Variants in ME2 observed in about 807,000 individuals in gnomAD.
ME2 encodes malic enzyme 2, also known as NAD-dependent malic enzyme, mitochondrial.
Under a neutral mutation model 73.7 loss-of-function variants are expected in ME2, and 60 were observed. That is an observed-to-expected ratio of 0.81 (90% CI 0.66 to 1.01). The LOEUF (loss-of-function observed/expected upper bound fraction) is 1.01, where lower values mean the gene tolerates loss of function less well. Among genes scored for constraint, ME2 ranks in the 50% least tolerant of loss-of-function variants. The probability of loss-of-function intolerance (pLI) is 0.00; values close to 1 mark genes in which losing one functional copy is unlikely to be tolerated. For synonymous variants in ME2, 199 were observed against 236.9 expected (o/e 0.84, Z 1.47); for missense variants, 594 against 705.5 (o/e 0.84, Z 1.79).
At chr18:50,897,422 C>T (rs1223269833) in intron 2 of ME2, among the ~76,000 whole-genome samples, 5 of 152,178 alleles carry the variant, frequency 3.3e-5, no homozygotes. Context: ...CATTACCATA[C>T]TTCCCTAAAG....
intron 1 of ME2, among the ~76,000 whole-genome samples, chr18:50,885,905 A>G (rs1916450980): frequency 6.6e-6 from 1 of 152,214 alleles, no homozygotes; most frequent in Non-Finnish European, 1.5e-5. Context: ...AAATTTAAAA[A>G]TAGCCTGAAA....
intron 1 of ME2, among the ~76,000 whole-genome samples, chr18:50,880,748 G>GA: frequency 6.6e-6 from 1 of 152,270 alleles, no homozygotes; most frequent in African/African-American, 2.4e-5. Context: ...GCATTAATAG[G>GA]AAATGTTGGG....
chr18:50,892,547 G>T (rs897909894), intron 1 of ME2, among the ~76,000 whole-genome samples: 1 of 152,184 alleles, frequency 6.6e-6, no homozygotes, highest in Non-Finnish European at 1.5e-5. Flanking sequence ...TAGTTTCTGT[G>T]TTGGTGTATT....
chr18:50,934,348 G>C (rs1005988116), intron 13 of ME2: 6 of 152,022 alleles, frequency 3.9e-5, no homozygotes, highest in African/African-American at 1.5e-4. Flanking sequence ...CATAAATATA[G>C]ACATTAAAAA....
At chr18:50,901,325 A>G (rs2066194120) in intron 2 of ME2, among the ~76,000 whole-genome samples, 1 of 152,320 alleles carries the variant, frequency 6.6e-6, no homozygotes, top group South Asian at 2.1e-4. Flanking sequence ...TCAGTATTAA[A>G]GAGTCTGATT....
At chr18:50,900,981 G>C (rs1916875925) in intron 2 of ME2, among the ~76,000 whole-genome samples, 2 of 152,162 alleles carry the variant, frequency 1.3e-5, no homozygotes, top group Admixed American at 6.6e-5. Context: ...AATACAATGA[G>C]TATATTTTAT....
At chr18:50,928,426 T>G (rs600170) in intron 12 of ME2, among the ~76,000 whole-genome samples, 107,059 of 151,294 alleles carry the variant, frequency 0.71, 38,180 homozygotes, top group African/African-American at 0.79. Flanking sequence ...TTTTAGTAGA[T>G]ATGGGGTTTT....
At chr18:50,905,936 G>A (rs1917008705) in intron 2 of ME2, among the ~76,000 whole-genome samples, 1 of 152,194 alleles carries the variant, frequency 6.6e-6, no homozygotes, top group African/African-American at 2.4e-5. Flanking sequence ...TAAATGTTAA[G>A]AGTGCCCTGG....
chr18:50,947,225 C>G lies in ME2; in HGVS notation c.*41C>G, dbSNP rs370949134. ...AAATACTTTCTGTGCTCCAGGGAACCCCTTTTTTCAGACAAGAAGAGATAA... is the reference window on the plus strand; with the variant it reads ...AAATACTTTCTGTGCTCCAGGGAACGCCTTTTTTCAGACAAGAAGAGATAA... On this transcript the variant is annotated 3_prime_UTR_variant, in exon 16 of 16. Transcript: ENST00000321341. The G allele has an allele frequency of 7.6e-6, 12 of 1,579,788 alleles. No individual in the cohort carries two copies. The African/African-American group carries it at 1.4e-4, about 18-fold the overall frequency.
chr18:50,894,234 G>A, intron 1 of ME2, among the ~76,000 whole-genome samples: 1 of 152,222 alleles, frequency 6.6e-6, no homozygotes, highest in Non-Finnish European at 1.5e-5. Flanking sequence ...GAGTGTTTCA[G>A]TGTCCAGGAA....
In ME2 at chr18:50,927,536, T is replaced by G. The variant is rs1461564901; in HGVS notation, c.1314+1638T>G. Among the ~76,000 whole-genome samples the G allele has an allele frequency of 2.0e-5, 3 of 151,264 alleles. No individual in the cohort carries two copies. The East Asian group carries it at 5.8e-4, about 29-fold the overall frequency. ...TAACATAGTGAAACCCCGTCTCTAC[T>G]AAAAATACAAAAAAAATTAGCCAGA... On this transcript the variant is annotated intron_variant, in intron 12 of 15. Coordinates refer to ENST00000321341, the MANE Select transcript of ME2 (RefSeq NM_002396.5).
At position 50,917,499 on chromosome 18, in the gene ME2, T is replaced by C. The variant is rs757339089; in HGVS notation, c.621T>C (p.Thr207=). The C allele has an allele frequency of 3.8e-6, 6 of 1,597,510 alleles. No individual in the cohort carries two copies. The highest frequency in any genetic ancestry group is 1.1e-5 in the South Asian group (1 of 88,484). Residue 207 remains threonine (T), a synonymous_variant, in exon 6 of 16, where the codon ACT becomes ACC. Coordinates refer to ENST00000321341, the MANE Select transcript of ME2 (RefSeq NM_002396.5). ...RCLPVCIDVG[T]DNIALLKDPF... ...TGCCAGTGTGTATTGATGTGGGAAC[T>C]GATAATATCGTGAGTAACATCATTT... is the stretch of plus-strand genomic sequence containing the variant.
At chr18:50,888,860 A>C (rs1385515469) in intron 1 of ME2, among the ~76,000 whole-genome samples, 2 of 152,130 alleles carry the variant, frequency 1.3e-5, no homozygotes, top group African/African-American at 4.8e-5. Flanking sequence ...GAATGATAAG[A>C]GTGTCTTTAA....
chr18:50,901,661 A>AG (rs1195028918), intron 2 of ME2, among the ~76,000 whole-genome samples: 1 of 152,266 alleles, frequency 6.6e-6, no homozygotes, highest in African/African-American at 2.4e-5. Flanking sequence ...TGATTACAAC[A>AG]GTAAAAGTGT....
chr18:50,920,826 A>G, intron 9 of ME2, 68 bp downstream of exon 9: 2 of 1,217,694 alleles, frequency 1.6e-6, no homozygotes, highest in Non-Finnish European at 2.3e-6. Context: ...TGGGCAGAAT[A>G]TTGATGTTTA....
In ME2 at chr18:50,908,100, G is replaced by C; in HGVS notation, c.146G>C (p.Gly49Ala). Residue 49 changes from glycine to alanine, a missense_variant, in exon 3 of 16, where the codon GGT (glycine) becomes GCT (alanine). Coordinates refer to ENST00000321341, the MANE Select transcript of ME2 (RefSeq NM_002396.5). ...AFTLQERQMLGLQGLLPPKIE... is the reference protein window; with the variant it reads ...AFTLQERQMLALQGLLPPKIE... The stretch of plus-strand genomic sequence containing the variant: ...ACTTTACAAGAACGACAAATGCTTG[G>C]TCTTCAAGGACTTCTACCTCCCAAA... 1.3e-6 allele frequency: 2 copies of C among 1,595,708 alleles called. No individual in the cohort carries two copies. Among genetic ancestry groups the C allele is most frequent in the Non-Finnish European group, 1.7e-6 (2 of 1,170,562 alleles).
In ME2 at chr18:50,950,467, C is replaced by CCTTTTTTTTTTTTTTTT. The variant is rs1320031263; in HGVS notation, c.*3283_*3284insCTTTTTTTTTTTTTTTT. The CCTTTTTTTTTTTTTTTT allele has an allele frequency of 2.2e-5, 1 of 45,072 alleles. No individual in the cohort carries two copies. Among genetic ancestry groups the CCTTTTTTTTTTTTTTTT allele is most frequent in the African/African-American group, 8.9e-5 (1 of 11,284 alleles). 2.8% of individuals were successfully genotyped at this position (45,072 alleles called of 1,614,324 possible). Reference sequence around the variant, plus strand: ...GCCTGGGGTGGGGCCTCAGATTCTGCTTTTTTTTTTTTTTTTTTTTTTTTT... The same window carrying CCTTTTTTTTTTTTTTTT: ...GCCTGGGGTGGGGCCTCAGATTCTGCCTTTTTTTTTTTTTTTTTTTTTTTTTTTTTTTTTTTTTTTTT... On this transcript the variant is annotated 3_prime_UTR_variant, in exon 16 of 16. Transcript: ENST00000321341.
chr18:50,940,089 A>G (rs1917910757), intron 14 of ME2, 199 bp from the exon 15 acceptor site: 6 of 547,786 alleles, frequency 1.1e-5, no homozygotes, highest in African/African-American at 3.9e-5. Flanking sequence ...AATATAATCA[A>G]TAAGTCTTTA....
chr18:50,928,500 A>G (rs1190406769), intron 12 of ME2, among the ~76,000 whole-genome samples: 1 of 152,022 alleles, frequency 6.6e-6, no homozygotes, highest in Non-Finnish European at 1.5e-5. Context: ...GGCCTCCCAA[A>G]GTGCTGGGAT....
Sources: gnomAD v4.1 joint callset for allele counts (sites outside exome capture counted in the v4.1 genomes callset) on GRCh38, gnomAD v4.1.1 for gene constraint, MANE v1.5 for transcripts, NCBI Gene and HGNC (gene_info 2026-07-23, HGNC 2026-07-21) for gene names.